The following DISP1 variants were observed in gnomAD, a reference collection of about 807,000 sequenced individuals.
DISP1 encodes dispatched RND transporter family member 1, also known as protein dispatched homolog 1.
Under a neutral mutation model 37.3 loss-of-function variants are expected in DISP1, and 30 were observed. The observed-to-expected ratio is 0.80, with a 90% CI of 0.60 to 1.09. The LOEUF (loss-of-function observed/expected upper bound fraction) is 1.09. DISP1 is among the 50% of genes least tolerant of loss of function. The probability of loss-of-function intolerance (pLI) is 0.00; values close to 1 mark genes in which losing one functional copy is unlikely to be tolerated. For synonymous variants in DISP1, 634 were observed against 690.2 expected (o/e 0.92, Z 1.28); for missense variants, 1,598 against 1,879.5 (o/e 0.85, Z 2.77).
chr1:222,944,171 A>G (rs750781697), intron 3 of DISP1, among the ~76,000 whole-genome samples: 1 of 152,200 alleles, frequency 6.6e-6, no homozygotes, highest in African/African-American at 2.4e-5. Context: ...AATTCCCTTC[A>G]TAGCAGATAA....
At chr1:222,926,357 T>G (rs1673084075) in intron 1 of DISP1, among the ~76,000 whole-genome samples, 1 of 152,244 alleles carries the variant, frequency 6.6e-6, no homozygotes, top group Non-Finnish European at 1.5e-5. Flanking sequence ...CTTTTGGCAG[T>G]TATGAATAAG....
At chr1:222,892,403 G>T (rs1026868492) in intron 1 of DISP1, among the ~76,000 whole-genome samples, 1 of 152,132 alleles carries the variant, frequency 6.6e-6, no homozygotes, top group Non-Finnish European at 1.5e-5. Flanking sequence ...TGCAAATAAC[G>T]TAAGTATGAA....
At chr1:222,956,841 C>T (rs1260120537) in intron 3 of DISP1, among the ~76,000 whole-genome samples, 1 of 151,998 alleles carries the variant, frequency 6.6e-6, no homozygotes, top group African/African-American at 2.4e-5. Context: ...TTATTCACAT[C>T]TTATTAAGAA....
At position 222,880,911 on chromosome 1, in the gene DISP1, A is replaced by G. The variant is rs185694904; in HGVS notation, c.-158-47519A>G. ...CCTTGTCTCTATAAAAAATATAAAT[A>G]TTAGCTGGGTGTGGTGGTGTGCACC... On this transcript the variant is annotated intron_variant, in intron 1 of 8. Transcript: ENST00000675850. 2.8e-3 allele frequency among the ~76,000 whole-genome samples: 432 copies of G among 152,026 alleles called. 4 individuals carry two copies. Among genetic ancestry groups the G allele is most frequent in the African/African-American group, 1.0e-2 (413 of 41,450 alleles).
chr1:222,877,912 C>T (rs1011235186), intron 1 of DISP1, among the ~76,000 whole-genome samples: 1 of 152,080 alleles, frequency 6.6e-6, no homozygotes, highest in African/African-American at 2.4e-5. Flanking sequence ...TAGGAAGGAG[C>T]ACAGCCAATA....
chr1:222,846,267 G>A (rs1273311141), intron 1 of DISP1, among the ~76,000 whole-genome samples: 1 of 152,174 alleles, frequency 6.6e-6, no homozygotes, highest in Non-Finnish European at 1.5e-5. Context: ...CAAGGCGGGC[G>A]GATCACCTGA....
At chr1:222,884,104 G>T (rs1332775401) in intron 1 of DISP1, among the ~76,000 whole-genome samples, 1 of 151,902 alleles carries the variant, frequency 6.6e-6, no homozygotes, top group African/African-American at 2.4e-5. Context: ...CCAAACTCCT[G>T]CCAGATAACT....
chr1:222,830,729 A>G (rs1485055435), intron 1 of DISP1, among the ~76,000 whole-genome samples: 2 of 152,128 alleles, frequency 1.3e-5, no homozygotes, highest in Non-Finnish European at 2.9e-5. Context: ...TTTCTGTGGT[A>G]CTTTTTGGTT....
intron 1 of DISP1, among the ~76,000 whole-genome samples, chr1:222,817,248 C>T (rs532298048): frequency 2.6e-5 from 4 of 152,304 alleles, no homozygotes; most frequent in South Asian, 4.1e-4. Flanking sequence ...TTAAGTACAG[C>T]GAACTGCTGG....
intron 1 of DISP1, among the ~76,000 whole-genome samples, chr1:222,894,700 G>C (rs188657156): frequency 3.3e-5 from 5 of 152,330 alleles, no homozygotes; most frequent in Admixed American, 3.3e-4. Flanking sequence ...CTCCTGCTTT[G>C]CCAATTCGGA....
chr1:222,936,639 T>G (rs1673766287), intron 2 of DISP1, among the ~76,000 whole-genome samples: 1 of 110,080 alleles, frequency 9.1e-6, no homozygotes, highest in Non-Finnish European at 1.7e-5. Flanking sequence ...CTCATATATA[T>G]GAGATATATA....
At chr1:222,839,474 TC>T (rs1667458966) in intron 1 of DISP1, among the ~76,000 whole-genome samples, 1 of 152,206 alleles carries the variant, frequency 6.6e-6, no homozygotes, top group South Asian at 2.1e-4. Flanking sequence ...GAAGAGTCTT[TC>T]TCCTGCCTGG....
intron 1 of DISP1, among the ~76,000 whole-genome samples, chr1:222,877,670 C>T (rs1285319074): frequency 6.6e-6 from 1 of 152,206 alleles, no homozygotes; most frequent in Admixed American, 6.5e-5. Flanking sequence ...TCTAGCAGGG[C>T]AGACAGATGA....
intron 1 of DISP1, among the ~76,000 whole-genome samples, chr1:222,863,689 A>G (rs1045522201): frequency 6.6e-6 from 1 of 152,016 alleles, no homozygotes; most frequent in Non-Finnish European, 1.5e-5. Context: ...CCTTCCCTTT[A>G]TTTTTTATTT....
chr1:222,874,299 T>A (rs1396253823), intron 1 of DISP1, among the ~76,000 whole-genome samples: 1 of 152,184 alleles, frequency 6.6e-6, no homozygotes, highest in African/African-American at 2.4e-5. Context: ...TTCTCTGTAT[T>A]TCCTGAATTT....
At chr1:222,834,696 T>G (rs1327768868) in intron 1 of DISP1, among the ~76,000 whole-genome samples, 1 of 152,220 alleles carries the variant, frequency 6.6e-6, no homozygotes, top group African/African-American at 2.4e-5. Flanking sequence ...TTTTTTCAGA[T>G]AGTATCCCTA....
intron 3 of DISP1, among the ~76,000 whole-genome samples, chr1:222,964,476 T>G (rs1468263578): frequency 6.6e-6 from 1 of 152,168 alleles, no homozygotes; most frequent in Admixed American, 6.5e-5. Context: ...TTTTTTCGTT[T>G]CAGTAATAGC....
In DISP1 at chr1:223,005,987, A is replaced by G. The variant is rs541954822; in HGVS notation, c.*15A>G. ...AAACACTATAATAAATGCAGCATTCAATTCAGAACCAGTGCCTCAATTATT... is the reference window on the plus strand; with the variant it reads ...AAACACTATAATAAATGCAGCATTCGATTCAGAACCAGTGCCTCAATTATT... On this transcript the variant is annotated 3_prime_UTR_variant, in exon 9 of 9. Coordinates refer to ENST00000675850, the MANE Select transcript of DISP1 (RefSeq NM_001377229.1). The G allele has an allele frequency of 6.3e-7, 1 of 1,597,648 alleles. No individual in the cohort carries two copies. The highest frequency in any genetic ancestry group is 1.1e-5 in the South Asian group (1 of 90,296).
chr1:222,828,467 A>T lies in DISP1; in HGVS notation c.-159+13389A>T, dbSNP rs1287200777. ...TCAGACATTATAGTTTTGGGACTTG[A>T]TCTTTCAGCCCCAGAAATAACAGTG... On this transcript the variant is annotated intron_variant, in intron 1 of 8. Coordinates refer to ENST00000675850, the MANE Select transcript of DISP1 (RefSeq NM_001377229.1). 2.6e-5 allele frequency among the ~76,000 whole-genome samples: 4 copies of T among 152,170 alleles called. No homozygotes were observed. The East Asian group carries it at 7.7e-4, about 29-fold the overall frequency.
Sources: allele counts gnomAD v4.1 joint callset (sites outside exome capture counted in the v4.1 genomes callset), GRCh38; gene constraint gnomAD v4.1.1; transcripts MANE v1.5; gene names NCBI Gene and HGNC (gene_info 2026-07-23, HGNC 2026-07-21).